TMEM117: variants seen among roughly 807,000 people sequenced by gnomAD.
TMEM117 encodes the protein transmembrane protein 117.
Under a neutral mutation model 52.4 loss-of-function variants are expected in TMEM117, and 27 were observed. That is an observed-to-expected ratio of 0.51 (90% CI 0.38 to 0.71). The LOEUF (loss-of-function observed/expected upper bound fraction) is 0.71, where lower values mean the gene tolerates loss of function less well. Among genes scored for constraint, TMEM117 ranks in the 30% least tolerant of loss-of-function variants. The pLI is 0.00. For synonymous variants in TMEM117, 215 were observed against 206.3 expected (o/e 1.04, Z -0.36); for missense variants, 556 against 630.5 (o/e 0.88, Z 1.26).
rs79752170 is a variant in TMEM117 at position 43,949,353 on chromosome 12, G to A, written c.410+5011G>A. On this transcript the variant is annotated intron_variant, in intron 3 of 7. Transcript: ENST00000266534. ...GTTCTGAGGTTTGCATTTCTTCTCC[G>A]CTGATTCTTCCCTTGGAGTGGACTG... Among the ~76,000 whole-genome samples the A allele has an allele frequency of 2.0e-4, 31 of 152,272 alleles. No individual in the cohort carries two copies. The East Asian group carries it at 3.9e-3, about 19-fold the overall frequency.
At chr12:44,244,367 G>A (rs1247157347) in intron 5 of TMEM117, 1 of 151,838 alleles carries the variant, frequency 6.6e-6, no homozygotes, top group Non-Finnish European at 1.5e-5. Context: ...TTTCCCTGAT[G>A]GTTAGTGATT....
intron 3 of TMEM117, among the ~76,000 whole-genome samples, chr12:44,085,352 T>C (rs1427629933): frequency 6.6e-6 from 1 of 151,620 alleles, no homozygotes; most frequent in Non-Finnish European, 1.5e-5. Context: ...ATCTGCATAT[T>C]ATAACCACAG....
chr12:44,392,388 T>C (rs555903471), downstream of TMEM117, among the ~76,000 whole-genome samples: 2 of 152,272 alleles, frequency 1.3e-5, no homozygotes, highest in African/African-American at 4.8e-5. Context: ...AAAGGAACTT[T>C]ACCATAAAAT....
chr12:43,838,976 C>T (rs1252142718), intron 1 of TMEM117, among the ~76,000 whole-genome samples: 1 of 152,160 alleles, frequency 6.6e-6, no homozygotes, highest in Non-Finnish European at 1.5e-5. Flanking sequence ...CCCTCTTCAT[C>T]TCAGGAAATG....
chr12:44,129,488 C>T (rs1948380180), intron 3 of TMEM117, among the ~76,000 whole-genome samples: 1 of 152,176 alleles, frequency 6.6e-6, no homozygotes. Context: ...CATTCCCCTT[C>T]CTCAGTAACT....
intron 6 of TMEM117, among the ~76,000 whole-genome samples, chr12:44,319,755 A>C (rs1221224617): frequency 6.6e-6 from 1 of 152,202 alleles, no homozygotes; most frequent in Non-Finnish European, 1.5e-5. Context: ...TTGTCTTCTG[A>C]CTACCAGTTA....
In TMEM117 at chr12:44,131,777, T is replaced by G. The variant is rs150384097; in HGVS notation, c.411-11748T>G. Among the ~76,000 whole-genome samples the G allele has an allele frequency of 3.5e-3, 530 of 152,308 alleles. 2 individuals are homozygous for G. The highest frequency in any genetic ancestry group is 0.012 in the African/African-American group (509 of 41,572). ...AATATAGCTATACCAAATTTTATGT[T>G]GTTGTTATTTGCATGTTATCTTTTC... On this transcript the variant is annotated intron_variant, in intron 3 of 7. Transcript: ENST00000266534.
At chr12:44,328,847 T>C (rs926911502) in intron 6 of TMEM117, among the ~76,000 whole-genome samples, 4 of 152,020 alleles carry the variant, frequency 2.6e-5, no homozygotes, top group Non-Finnish European at 5.9e-5. Context: ...AAGTCTCTTG[T>C]TACATCAATG....
intron 3 of TMEM117, among the ~76,000 whole-genome samples, chr12:44,116,668 C>T (rs994593144): frequency 2.0e-5 from 3 of 152,218 alleles, no homozygotes; most frequent in Admixed American, 6.5e-5. Flanking sequence ...TCTCTTCAAA[C>T]CTTCCTCACT....
chr12:44,211,459 T>C, intron 5 of TMEM117, 72 bp downstream of exon 5: 1 of 1,066,084 alleles, frequency 9.4e-7, no homozygotes, highest in East Asian at 2.5e-5. Flanking sequence ...GATGTAATTT[T>C]CCTTACAATT....
At chr12:44,381,841 A>G (rs1474708342) in intron 7 of TMEM117, among the ~76,000 whole-genome samples, 1 of 152,080 alleles carries the variant, frequency 6.6e-6, no homozygotes, top group Non-Finnish European at 1.5e-5. Flanking sequence ...CTCCTGTATG[A>G]ATCAGGCCAT....
At chr12:44,322,890 A>G (rs1045978251) in intron 6 of TMEM117, among the ~76,000 whole-genome samples, 2 of 152,136 alleles carry the variant, frequency 1.3e-5, no homozygotes. Flanking sequence ...TTGCATGGCA[A>G]AGGGGGATTA....
At chr12:44,068,310 G>A (rs2137974556) in intron 3 of TMEM117, among the ~76,000 whole-genome samples, 1 of 152,198 alleles carries the variant, frequency 6.6e-6, no homozygotes, top group East Asian at 1.9e-4. Flanking sequence ...CATTTTCTTT[G>A]CATTCACAAC....
chr12:44,218,551 G>T (rs1228957111), intron 5 of TMEM117, among the ~76,000 whole-genome samples: 1 of 152,138 alleles, frequency 6.6e-6, no homozygotes, highest in Non-Finnish European at 1.5e-5. Context: ...AAACCCGAAA[G>T]CTTCTCCTCT....
In TMEM117 at chr12:44,062,173, G is replaced by T. The variant is rs574463614; in HGVS notation, c.411-81352G>T. Among the ~76,000 whole-genome samples the T allele has an allele frequency of 2.9e-3, 449 of 152,252 alleles. 3 individuals are homozygous for T. The highest frequency in any genetic ancestry group is 0.01 in the African/African-American group (436 of 41,566). On this transcript the variant is annotated intron_variant, in intron 3 of 7. Transcript: ENST00000266534. ...TGACTGAACAATGAATAAAATGATTGCCTAGACCAAGAAAGGGTTTGAATG... is the reference window on the plus strand; with the variant it reads ...TGACTGAACAATGAATAAAATGATTTCCTAGACCAAGAAAGGGTTTGAATG...
chr12:44,211,550 TTTC>T (rs1949645563), intron 5 of TMEM117, among the ~76,000 whole-genome samples, 163 bp downstream of exon 5: 1 of 152,190 alleles, frequency 6.6e-6, no homozygotes, highest in Non-Finnish European at 1.5e-5. Context: ...TATGAATTAA[TTTC>T]TTCTTACATA....
At position 43,845,097 on chromosome 12, in the gene TMEM117, A is replaced by G. The variant is rs947352019; in HGVS notation, c.277+169A>G. Reference sequence around the variant, plus strand: ...TGGGTTCTTCAACTACTCTCTGTTAATGGTTTACTTTTCCTACTGTCTAAG... The same window carrying G: ...TGGGTTCTTCAACTACTCTCTGTTAGTGGTTTACTTTTCCTACTGTCTAAG... On this transcript the variant is annotated intron_variant, in intron 2 of 7. Coordinates refer to ENST00000266534, the MANE Select transcript of TMEM117 (RefSeq NM_032256.3). 4 of 686,812 alleles carry G rather than the reference A, an allele frequency of 5.8e-6. No homozygotes were observed. In the African/African-American group the frequency reaches 7.3e-5, roughly 13 times the overall value. The allele number at this position is 686,812 out of a possible 1,614,324, so 42.5% of individuals were successfully genotyped here. A position where few individuals can be genotyped will look rare whatever the true frequency, so the allele number is the denominator to read the frequency against.
intron 4 of TMEM117, among the ~76,000 whole-genome samples, chr12:44,207,654 G>C (rs75552003): frequency 0.011 from 1,745 of 152,134 alleles, 21 homozygotes; most frequent in South Asian, 0.052. Context: ...TTGTATTACT[G>C]ATGTGAAGCA....
chr12:43,962,615 A>G (rs1360874115), intron 3 of TMEM117, among the ~76,000 whole-genome samples: 1 of 152,144 alleles, frequency 6.6e-6, no homozygotes, highest in Non-Finnish European at 1.5e-5. Context: ...TCTCCCTAAA[A>G]TACATATTTT....
Sources: gnomAD v4.1 joint callset for allele counts (sites outside exome capture counted in the v4.1 genomes callset) on GRCh38, gnomAD v4.1.1 for gene constraint, MANE v1.5 for transcripts, NCBI Gene and HGNC (gene_info 2026-07-23, HGNC 2026-07-21) for gene names.